Variants in NBEA observed in about 807,000 individuals in gnomAD.
NBEA encodes lysosomal-trafficking regulator 2.
A neutral mutation model predicts 343.4 loss-of-function variants in NBEA; 44 were observed. The observed-to-expected ratio is 0.13, with a 90% CI of 0.10 to 0.16. NBEA has a LOEUF of 0.16. Ranked by LOEUF, NBEA falls within the 10% of genes least tolerant of loss-of-function variation. The probability of loss-of-function intolerance (pLI) is 1.00; values close to 1 mark genes in which losing one functional copy is unlikely to be tolerated. For missense variants in NBEA, 2,555 were observed against 3,631.3 expected (o/e 0.70, Z 7.62); for synonymous variants, 1,175 against 1,238.7 (o/e 0.95, Z 1.08).
rs778230923 is a variant in NBEA, at chr13:35,472,472, C to A, written c.6521C>A (p.Thr2174Asn). The change falls in exon 41 of 59, where the codon ACC becomes AAC. Residue 2174 changes from threonine (T) to asparagine (N), a missense_variant. By Grantham distance (65) the Thr-to-Asn change is moderately conservative. Coordinates refer to ENST00000379939, the MANE Select transcript of NBEA (RefSeq NM_001385012.1). Reference sequence around the variant, plus strand: ...GTGGCCAAGGGGACTCTCTCCATCACCACGACAGAAATCTACTTCGAGGTA... The same window carrying A: ...GTGGCCAAGGGGACTCTCTCCATCAACACGACAGAAATCTACTTCGAGGTA... The part of the protein sequence containing the change: ...VVVAKGTLSI[T>N]TTEIYFEVDE... 2 of 1,613,972 alleles carry A rather than the reference C, an allele frequency of 1.2e-6. No homozygotes were observed. The highest frequency in any genetic ancestry group is 2.2e-5 in the East Asian group (1 of 44,870).
intron 33 of NBEA, among the ~76,000 whole-genome samples, chr13:35,220,368 G>A (rs986132195): frequency 2.0e-5 from 3 of 152,062 alleles, no homozygotes; most frequent in South Asian, 2.1e-4. Context: ...CTGAAAGAAC[G>A]CTTCTTAGTA....
At chr13:35,576,730 A>G (rs905227508) in intron 45 of NBEA, among the ~76,000 whole-genome samples, 1 of 152,144 alleles carries the variant, frequency 6.6e-6, no homozygotes, top group South Asian at 2.1e-4. Flanking sequence ...GATCAAAACT[A>G]TATGATTTTT....
At chr13:35,031,965 A>G (rs1039311711) in intron 1 of NBEA, among the ~76,000 whole-genome samples, 5 of 151,684 alleles carry the variant, frequency 3.3e-5, no homozygotes, top group African/African-American at 1.2e-4. Flanking sequence ...CCATATCCCC[A>G]TAAGAGACAT....
chr13:35,290,462 C>A lies in NBEA; in HGVS notation c.5838+12C>A, dbSNP rs1194078617. The A allele has an allele frequency of 8.2e-6, 13 of 1,595,000 alleles. No homozygotes were observed. The highest frequency in any genetic ancestry group is 1.3e-5 in the African/African-American group (1 of 74,494). The stretch of plus-strand genomic sequence containing the variant: ...TGCTTTGTTCTCAGGTACAAAATCC[C>A]ATTCACTCAGTTACATTAATATATG... On this transcript the variant is annotated intron_variant, in intron 35 of 58. Transcript: ENST00000379939.
chr13:34,942,661 G>C lies in NBEA; in HGVS notation c.-160G>C, dbSNP rs935788285. 2 of 414,280 alleles carry C rather than the reference G, an allele frequency of 4.8e-6. No homozygotes were observed. The highest frequency in any genetic ancestry group is 1.2e-4 in the South Asian group (1 of 8,574). The allele number at this position is 414,280 out of a possible 1,614,324, so 25.7% of individuals were successfully genotyped here. On this transcript the variant is annotated 5_prime_UTR_variant, in exon 1 of 59. Transcript: ENST00000379939. Reference sequence around the variant, plus strand: ...CCTCCGCGGGGGAGAGCGCCGGAGCGGGCCGGGCTGAGGCGCAGGCGGGGA... The same window carrying C: ...CCTCCGCGGGGGAGAGCGCCGGAGCCGGCCGGGCTGAGGCGCAGGCGGGGA...
chr13:35,027,510 A>T (rs758762404), intron 1 of NBEA, among the ~76,000 whole-genome samples: 12 of 151,672 alleles, frequency 7.9e-5, no homozygotes, highest in Non-Finnish European at 1.8e-4. Flanking sequence ...ATGCGTGTTC[A>T]TGTTTTCTGC....
chr13:35,651,975 A>C, intron 53 of NBEA, 99 bp downstream of exon 53: 1 of 721,610 alleles, frequency 1.4e-6, no homozygotes, highest in South Asian at 1.9e-5. Context: ...TTTCTACCAC[A>C]AGATTAAAAT....
At chr13:35,573,034 T>G (rs764048017) in intron 45 of NBEA, among the ~76,000 whole-genome samples, 2 of 152,162 alleles carry the variant, frequency 1.3e-5, no homozygotes, top group African/African-American at 4.8e-5. Context: ...TATAATTATA[T>G]ACCATCTGCC....
At chr13:35,571,002 T>C (rs1057326725) in intron 45 of NBEA, among the ~76,000 whole-genome samples, 1 of 152,158 alleles carries the variant, frequency 6.6e-6, no homozygotes, top group African/African-American at 2.4e-5. Flanking sequence ...CAAGGAAAAA[T>C]TGAAATACTT....
intron 10 of NBEA, among the ~76,000 whole-genome samples, chr13:35,095,883 A>G (rs972663784): frequency 7.2e-5 from 11 of 151,924 alleles, no homozygotes; most frequent in African/African-American, 2.4e-4. Flanking sequence ...GGTTTATCCT[A>G]TAGTATATAT....
chr13:35,174,332 T>C (rs1246030260), intron 27 of NBEA, among the ~76,000 whole-genome samples: 1 of 152,146 alleles, frequency 6.6e-6, no homozygotes, highest in Non-Finnish European at 1.5e-5. Flanking sequence ...TTTGACACCC[T>C]CGCTACCACC....
chr13:35,556,751 A>G (rs1468650471), intron 44 of NBEA, among the ~76,000 whole-genome samples: 1 of 152,146 alleles, frequency 6.6e-6, no homozygotes, highest in East Asian at 1.9e-4. Flanking sequence ...TTCATTGCTT[A>G]TATTCGCAAA....
At chr13:35,533,565 A>G (rs577723336) in intron 41 of NBEA, among the ~76,000 whole-genome samples, 1 of 152,222 alleles carries the variant, frequency 6.6e-6, no homozygotes, top group African/African-American at 2.4e-5. Flanking sequence ...ATTTACCTGC[A>G]TACCCAAGAA....
intron 17 of NBEA, among the ~76,000 whole-genome samples, chr13:35,141,406 A>G (rs193220015): frequency 1.8e-4 from 28 of 152,238 alleles, no homozygotes; most frequent in Admixed American, 1.7e-3. Context: ...AGCTGGGACT[A>G]CAGGCATGTG....
chr13:35,516,378 A>G (rs2077488369), intron 41 of NBEA, among the ~76,000 whole-genome samples: 4 of 152,306 alleles, frequency 2.6e-5, no homozygotes, highest in Admixed American at 2.6e-4. Context: ...CTACACGTAT[A>G]TACCATCTAG....
intron 10 of NBEA, among the ~76,000 whole-genome samples, chr13:35,077,743 G>A (rs1410821965): frequency 6.6e-6 from 1 of 152,044 alleles, no homozygotes; most frequent in Non-Finnish European, 1.5e-5. Context: ...GTCATTCACT[G>A]GTTTCCTGTT....
chr13:35,653,376 G>A (rs1407699792), intron 53 of NBEA, among the ~76,000 whole-genome samples: 1 of 139,256 alleles, frequency 7.2e-6, no homozygotes, highest in Non-Finnish European at 1.5e-5. Flanking sequence ...TGTCACCCAG[G>A]CTGGAGTGCA....
intron 41 of NBEA, among the ~76,000 whole-genome samples, chr13:35,536,629 C>T (rs1006479329): frequency 6.8e-6 from 1 of 147,650 alleles, no homozygotes; most frequent in Non-Finnish European, 1.5e-5. Flanking sequence ...AAACTGGCTT[C>T]GTAAAAAATA....
chr13:35,068,552 C>T (rs573298902), intron 8 of NBEA, among the ~76,000 whole-genome samples: 1 of 152,186 alleles, frequency 6.6e-6, no homozygotes, highest in South Asian at 2.1e-4. Flanking sequence ...CTAGTGATAA[C>T]ACTACCCTCC....
Sources: gnomAD v4.1 joint callset for allele counts (sites outside exome capture counted in the v4.1 genomes callset) on GRCh38, gnomAD v4.1.1 for gene constraint, MANE v1.5 for transcripts, NCBI Gene and HGNC (gene_info 2026-07-23, HGNC 2026-07-21) for gene names.